Variants in PLS1 observed in about 807,000 individuals in gnomAD.
PLS1 encodes the protein plastin 1, also known as plastin-1.
Under a neutral mutation model 73.7 loss-of-function variants are expected in PLS1, and 32 were observed. The observed-to-expected ratio is 0.43, with a 90% CI of 0.33 to 0.58. The LOEUF (loss-of-function observed/expected upper bound fraction) is 0.58. PLS1 is among the 20% of genes least tolerant of loss of function. The pLI is 0.04. For synonymous variants in PLS1, 217 were observed against 261.3 expected (o/e 0.83, Z 1.63); for missense variants, 633 against 740.5 (o/e 0.85, Z 1.68).
chr3:142,683,498 CG>C (rs989359979), intron 6 of PLS1, among the ~76,000 whole-genome samples: 3 of 151,778 alleles, frequency 2.0e-5, no homozygotes, highest in Non-Finnish European at 2.9e-5. Context: ...AGTGAGACTC[CG>C]TCTCAAAAAA....
At position 142,701,170 on chromosome 3, in the gene PLS1, A is replaced by AT. The variant is rs2038324473; in HGVS notation, c.1372-2697dup. Among the ~76,000 whole-genome samples, 5 of 152,310 alleles carry AT rather than the reference A, an allele frequency of 3.3e-5. 1 individual carries two copies. In the South Asian group the frequency reaches 1.0e-3, roughly 32 times the overall value. Reference sequence around the variant, plus strand: ...TTCTTTGTGCTCATTCTTACCTTGCATAGGTTCTTCATCTTTTAGCCTGAG... The same window carrying AT: ...TTCTTTGTGCTCATTCTTACCTTGCATTAGGTTCTTCATCTTTTAGCCTGAG... On this transcript the variant is annotated intron_variant, in intron 12 of 15. Transcript: ENST00000457734.
intron 1 of PLS1, among the ~76,000 whole-genome samples, chr3:142,644,078 T>C (rs990849943): frequency 6.6e-6 from 1 of 152,110 alleles, no homozygotes; most frequent in Non-Finnish European, 1.5e-5. Flanking sequence ...TCCTCCCGCC[T>C]CAGTCTCCCA....
At chr3:142,667,769 G>C (rs973053594) in intron 2 of PLS1, among the ~76,000 whole-genome samples, 7 of 152,132 alleles carry the variant, frequency 4.6e-5, no homozygotes, top group African/African-American at 1.7e-4. Flanking sequence ...CTATTATGCT[G>C]GTTTAGAAAT....
chr3:142,651,991 A>G (rs1289111284), intron 1 of PLS1, among the ~76,000 whole-genome samples: 2 of 152,232 alleles, frequency 1.3e-5, no homozygotes, highest in East Asian at 3.9e-4. Flanking sequence ...GCTTAGAGAC[A>G]TGGATGGGAT....
chr3:142,702,861 T>G (rs1274467761), intron 12 of PLS1, among the ~76,000 whole-genome samples: 2 of 152,082 alleles, frequency 1.3e-5, no homozygotes, highest in African/African-American at 4.8e-5. Flanking sequence ...GTGCTGAGAG[T>G]GGGGACAGTA....
chr3:142,702,965 A>G (rs1187737496), intron 12 of PLS1, among the ~76,000 whole-genome samples: 1 of 152,190 alleles, frequency 6.6e-6, no homozygotes, highest in Non-Finnish European at 1.5e-5. Flanking sequence ...TAAGTATAGT[A>G]GAAGATGGTG....
At chr3:142,600,830 G>C (rs187681367) in intron 1 of PLS1, among the ~76,000 whole-genome samples, 7 of 136,804 alleles carry the variant, frequency 5.1e-5, no homozygotes, top group African/African-American at 1.9e-4. Context: ...GAACAAATGA[G>C]CTTGAGAAAT....
chr3:142,689,433 A>C (rs536322245), intron 9 of PLS1, among the ~76,000 whole-genome samples, 185 bp from the exon 10 acceptor site: 10 of 151,436 alleles, frequency 6.6e-5, no homozygotes, highest in East Asian at 3.9e-4. Flanking sequence ...TAAATACATA[A>C]ATAAATAAAT....
intron 2 of PLS1, 139 bp from the exon 3 acceptor site, chr3:142,669,251 A>T (rs1226236037): frequency 3.7e-6 from 2 of 547,414 alleles, no homozygotes; most frequent in Non-Finnish European, 6.4e-6. Context: ...CAGTTCAGGT[A>T]CAGGAAAAAA....
Position 142,599,320 on chromosome 3 carries a change from ATTCT to A in PLS1, c.-37+2814_-37+2817del, listed in dbSNP as rs1406355719. Among the ~76,000 whole-genome samples, 922 of 137,262 alleles carry A rather than the reference ATTCT, an allele frequency of 6.7e-3. 19 individuals are homozygous for A. Among genetic ancestry groups the A allele is most frequent in the African/African-American group, 0.024 (876 of 36,214 alleles). The allele number at this position is 137,262 out of a possible 152,430, so 90.0% of individuals were successfully genotyped here. A position where few individuals can be genotyped will look rare whatever the true frequency, so the allele number is the denominator to read the frequency against. Reference sequence around the variant, plus strand: ...AATTGTATAGAGGAGGGACTCAGATATTCTTTTTTTTTTTTTTTTTTTTTTTTGA... The same window carrying A: ...AATTGTATAGAGGAGGGACTCAGATATTTTTTTTTTTTTTTTTTTTTTTGA... On this transcript the variant is annotated intron_variant, in intron 1 of 15. Transcript: ENST00000457734.
At chr3:142,685,032 C>T (rs1479413097) in intron 8 of PLS1, among the ~76,000 whole-genome samples, 1 of 151,832 alleles carries the variant, frequency 6.6e-6, no homozygotes, top group Non-Finnish European at 1.5e-5. Context: ...CATCCTGCCC[C>T]CCAAGAGTAA....
intron 5 of PLS1, among the ~76,000 whole-genome samples, chr3:142,676,787 A>C (rs1246199512): frequency 3.9e-5 from 6 of 152,194 alleles, no homozygotes; most frequent in Non-Finnish European, 8.8e-5. Context: ...TGTTGTGTGT[A>C]CCACAGTCCC....
At chr3:142,680,736 C>T (rs58175463) in intron 6 of PLS1, among the ~76,000 whole-genome samples, 1,708 of 152,222 alleles carry the variant, frequency 0.011, 38 homozygotes, top group African/African-American at 0.039. Context: ...GTATCAGTCA[C>T]TGTTCTAAAC....
At position 142,694,463 on chromosome 3, in the gene PLS1, C is replaced by G. The variant is rs2038151739; in HGVS notation, c.1178-6C>G. On this transcript the variant is annotated splice_region_variant and splice_polypyrimidine_tract_variant and intron_variant, in intron 10 of 15. Coordinates refer to ENST00000457734, the MANE Select transcript of PLS1 (RefSeq NM_001145319.2). ...AGTCATCAGTGTGAGCTTGTGTCTA[C>G]TCTAGGAGAGAGCAAGGAAGAGAGA... is the stretch of plus-strand genomic sequence containing the variant. The G allele has an allele frequency of 6.3e-7, 1 of 1,582,576 alleles. No individual in the cohort carries two copies. Among genetic ancestry groups the G allele is most frequent in the Middle Eastern group, 1.7e-4 (1 of 5,994 alleles).
chr3:142,654,411 TCATAGCTCACTATAGC>T (rs1481967156), intron 1 of PLS1, among the ~76,000 whole-genome samples: 13 of 152,202 alleles, frequency 8.5e-5, no homozygotes, highest in Admixed American at 7.2e-4. Flanking sequence ...AATGGCACAA[TCATAGCTCACTATAGC>T]CTCAAACTCC....
intron 6 of PLS1, among the ~76,000 whole-genome samples, chr3:142,679,648 C>G (rs1016412941): frequency 3.3e-5 from 5 of 151,022 alleles, no homozygotes; most frequent in African/African-American, 4.8e-5. Context: ...TGTTTTGGTA[C>G]CAGTACCATG....
chr3:142,634,888 C>T (rs6809448), intron 1 of PLS1, among the ~76,000 whole-genome samples: 49,876 of 150,350 alleles, frequency 0.33, 8,739 homozygotes, highest in Middle Eastern at 0.42. Flanking sequence ...GGGGTTTGAG[C>T]GGAAAAATGG....
In PLS1 at chr3:142,694,495, C is replaced by T. The variant is rs143805172; in HGVS notation, c.1204C>T (p.Arg402Trp). Residue 402 changes from arginine (R) to tryptophan (W), a missense_variant, in exon 11 of 16, where the codon CGG becomes TGG. Physicochemically the swap from Arg to Trp is moderately radical, Grantham distance 101. Transcript: ENST00000457734. ...EGESKEERTFRNWMNSLGVNP... is the reference protein window; with the variant it reads ...EGESKEERTFWNWMNSLGVNP... Reference sequence around the variant, plus strand: ...AGAGAGCAAGGAAGAGAGAACATTTCGGAACTGGATGAATTCCTTGGGAGT... The same window carrying T: ...AGAGAGCAAGGAAGAGAGAACATTTTGGAACTGGATGAATTCCTTGGGAGT... 1.3e-5 allele frequency: 21 copies of T among 1,605,004 alleles called. No homozygotes were observed. The highest frequency in any genetic ancestry group is 2.7e-5 in the African/African-American group (2 of 74,788).
intron 1 of PLS1, among the ~76,000 whole-genome samples, chr3:142,614,060 A>G (rs2036169313): frequency 6.6e-6 from 1 of 152,188 alleles, no homozygotes. Flanking sequence ...AGAAATGTTA[A>G]AAAGAGGATT....
Sources: gnomAD v4.1 joint callset for allele counts (sites outside exome capture counted in the v4.1 genomes callset) on GRCh38, gnomAD v4.1.1 for gene constraint, MANE v1.5 for transcripts, NCBI Gene and HGNC (gene_info 2026-07-23, HGNC 2026-07-21) for gene names.